The following BCOR variants were observed in gnomAD, a reference collection of about 807,000 sequenced individuals.
BCOR encodes the protein BCL-6 corepressor.
A neutral mutation model predicts 86.7 loss-of-function variants in BCOR; 10 were observed. The ratio of observed to expected loss-of-function variants is 0.12; its 90% CI spans 0.07 to 0.20. The LOEUF is 0.20. BCOR is among the 10% of genes least tolerant of loss of function. The pLI is 1.00. For missense variants in BCOR, 1,259 were observed against 1,452.1 expected (o/e 0.87, Z 2.16); for synonymous variants, 611 against 609.0 (o/e 1.00, Z -0.05).
intron 1 of BCOR, among the ~76,000 whole-genome samples, chrX:40,132,854 G>A (rs1308099802): frequency 2.7e-5 from 3 of 112,300 alleles, no homozygotes; most frequent in Non-Finnish European, 3.8e-5. Flanking sequence ...CTGGCTGTGC[G>A]TCAGAGTCAG....
chrX:40,072,786 C>A lies in BCOR; in HGVS notation c.2560G>T (p.Ala854Ser), dbSNP rs527732438. ...ATGCGCCCCAACTCCTCTCTCAGGG[C>A]GATGAAATCACGGTGCTGCTGCAGG... ...PALQQHRDFI[A>S]LREELGRISD... Residue 854 changes from alanine to serine, a missense_variant, in exon 4 of 15, where the codon GCC (alanine) becomes TCC (serine). Around this residue, in one of 7 missense-constraint regions of BCOR, gnomAD observed 534 missense variants for 594.8 expected, o/e 0.90. Coordinates refer to ENST00000378444, the MANE Select transcript of BCOR (RefSeq NM_001123385.2). 3 of 1,211,774 alleles carry A rather than the reference C, an allele frequency of 2.5e-6. No individual in the cohort carries two copies. Among genetic ancestry groups the A allele is most frequent in the Non-Finnish European group, 3.3e-6 (3 of 895,549 alleles).
chrX:40,067,624 A>C (rs1047623091), intron 6 of BCOR, among the ~76,000 whole-genome samples: 2 of 111,775 alleles, frequency 1.8e-5, no homozygotes, highest in Non-Finnish European at 1.9e-5. Context: ...ATCTTTCCGC[A>C]AACGAGATCT....
At chrX:40,127,099 A>G (rs1937553248) in intron 1 of BCOR, among the ~76,000 whole-genome samples, 2 of 112,095 alleles carry the variant, frequency 1.8e-5, no homozygotes, top group Admixed American at 1.9e-4. Flanking sequence ...TGGAATCTCC[A>G]TCTCTTCCTC....
At chrX:40,057,466 G>C (rs989125556) in intron 10 of BCOR, 145 bp from the exon 11 acceptor site, 5 of 602,185 alleles carry the variant, frequency 8.3e-6, no homozygotes, top group Non-Finnish European at 1.1e-5. Context: ...CTTGGTGAGG[G>C]GGAAACACAT....
chrX:40,116,397 T>A (rs1211290918), intron 1 of BCOR, among the ~76,000 whole-genome samples: 1 of 109,438 alleles, frequency 9.1e-6, no homozygotes, highest in Non-Finnish European at 1.9e-5. Flanking sequence ...CTCGGGAGGC[T>A]GAGGCAGCAG....
At chrX:40,139,500 T>A (rs748661183) in intron 1 of BCOR, among the ~76,000 whole-genome samples, 1 of 33,237 alleles carries the variant, frequency 3.0e-5, no homozygotes, top group African/African-American at 1.2e-4. Flanking sequence ...TATATATATT[T>A]TTTTTTTTTT....
intron 1 of BCOR, among the ~76,000 whole-genome samples, chrX:40,123,183 G>A (rs183231406): frequency 1.5e-3 from 169 of 110,917 alleles, no homozygotes; most frequent in Non-Finnish European, 2.5e-3. Context: ...CCTTCTAAAT[G>A]CAACTGTTTC....
At chrX:40,077,132 T>C (rs754136420) in intron 2 of BCOR, 25 of 188,938 alleles carry the variant, frequency 1.3e-4, no homozygotes, top group African/African-American at 7.5e-4. Flanking sequence ...ATGTCAGCTG[T>C]TCCAGGCTGA....
chrX:40,094,938 ACT>A (rs1936786235), intron 1 of BCOR, among the ~76,000 whole-genome samples: 1 of 110,386 alleles, frequency 9.1e-6, no homozygotes, highest in African/African-American at 3.3e-5. Context: ...TTCCTAATTA[ACT>A]CTCAGTCACC....
At chrX:40,098,506 G>A (rs1031883704), upstream of BCOR, among the ~76,000 whole-genome samples, 8 of 111,426 alleles carry the variant, frequency 7.2e-5, no homozygotes, top group Non-Finnish European at 1.3e-4. Flanking sequence ...GCCGCGCGCC[G>A]AGACTCCCCT....
chrX:40,107,993 A>AG (rs1937225587), intron 1 of BCOR, among the ~76,000 whole-genome samples: 1 of 112,948 alleles, frequency 8.9e-6, no homozygotes, highest in Non-Finnish European at 1.9e-5. Context: ...AAGAAAGGAG[A>AG]GAAAGTCCTT....
chrX:40,092,359 G>C (rs967991573), intron 1 of BCOR, among the ~76,000 whole-genome samples: 1 of 111,490 alleles, frequency 9.0e-6, no homozygotes, highest in Non-Finnish European at 1.9e-5. Context: ...TCGACGCCGC[G>C]GGCAAGCCAT....
intron 6 of BCOR, among the ~76,000 whole-genome samples, chrX:40,069,112 G>A (rs1165299739): frequency 6.2e-5 from 7 of 112,747 alleles, no homozygotes; most frequent in African/African-American, 9.7e-5. Context: ...GAAGCCAAAC[G>A]GATCCAGCGC....
At chrX:40,056,466 A>G (rs6609050) in intron 11 of BCOR, among the ~76,000 whole-genome samples, 58,142 of 109,443 alleles carry the variant, frequency 0.53, 12,666 homozygotes, top group African/African-American at 0.8. Context: ...TCTCAGCAGG[A>G]TACAGAGGCC....
intron 1 of BCOR, among the ~76,000 whole-genome samples, chrX:40,080,536 C>G (rs1380552146): frequency 9.0e-6 from 1 of 111,545 alleles, no homozygotes; most frequent in African/African-American, 3.3e-5. Context: ...GAAACAGAAT[C>G]ATTATACTGA....
chrX:40,069,539 C>T (rs1312997420), intron 6 of BCOR, among the ~76,000 whole-genome samples: 2 of 112,589 alleles, frequency 1.8e-5, no homozygotes, highest in African/African-American at 3.2e-5. Context: ...TGGAAGCTGG[C>T]TAAGTTCCTG....
chrX:40,086,127 C>T (rs995089086), intron 1 of BCOR, among the ~76,000 whole-genome samples: 19 of 109,261 alleles, frequency 1.7e-4, no homozygotes, highest in African/African-American at 6.4e-4. Context: ...CCTCCCTTCC[C>T]CCCAAAATAC....
chrX:40,073,816 C>T lies in BCOR; in HGVS notation c.1530G>A (p.Val510=), dbSNP rs1935621933. 2 of 1,211,256 alleles carry T rather than the reference C, an allele frequency of 1.7e-6. No homozygotes were observed. Among genetic ancestry groups the T allele is most frequent in the African/African-American group, 3.5e-5 (2 of 57,530 alleles). ...EIISTAPSSW[V]VPGPSPNEEN... ...CTTCGTTAGGACTTGGCCCGGGCACCACCCAGGATGAGGGAGCAGTGCTGA... is the reference window on the plus strand; with the variant it reads ...CTTCGTTAGGACTTGGCCCGGGCACTACCCAGGATGAGGGAGCAGTGCTGA... The change falls in exon 4 of 15, where the codon GTG becomes GTA. Residue 510 remains valine (V), a synonymous_variant. Transcript: ENST00000378444.
chrX:40,076,956 G>A (rs1462978417), intron 2 of BCOR: 1 of 317,350 alleles, frequency 3.2e-6, no homozygotes, highest in Non-Finnish European at 6.0e-6. Flanking sequence ...AAGGCTGGTC[G>A]TGTCATCAAC....
Sources: gnomAD v4.1 joint callset for allele counts (sites outside exome capture counted in the v4.1 genomes callset) on GRCh38, gnomAD v4.1.1 for gene constraint, gnomAD v4.1.1 regional missense constraint, MANE v1.5 for transcripts, NCBI Gene and HGNC (gene_info 2026-07-23, HGNC 2026-07-21) for gene names.